GAB2: variants seen among roughly 807,000 people sequenced by gnomAD.
The protein encoded by GAB2 is GRB2 associated binding protein 2.
Under a neutral mutation model 65.5 loss-of-function variants are expected in GAB2, and 26 were observed. The ratio of observed to expected loss-of-function variants is 0.40; its 90% CI spans 0.29 to 0.55. The LOEUF (loss-of-function observed/expected upper bound fraction) is 0.55. Among genes scored for constraint, GAB2 ranks in the 20% least tolerant of loss-of-function variants. GAB2 has a pLI of 0.53. For synonymous variants in GAB2, 321 were observed against 329.6 expected (o/e 0.97, Z 0.28); for missense variants, 884 against 875.8 (o/e 1.01, Z -0.12).
At chr11:78,340,581 G>T (rs980965153) in intron 1 of GAB2, among the ~76,000 whole-genome samples, 25 of 150,534 alleles carry the variant, frequency 1.7e-4, no homozygotes, top group Non-Finnish European at 5.9e-5. Flanking sequence ...TGTCTCATCT[G>T]GGAACCCTGG....
chr11:78,363,469 A>G (rs1226873651), intron 1 of GAB2, among the ~76,000 whole-genome samples: 1 of 152,244 alleles, frequency 6.6e-6, no homozygotes, highest in Non-Finnish European at 1.5e-5. Flanking sequence ...TCCAACATCT[A>G]TGAAGCACCT....
chr11:78,358,227 T>C (rs1408578924), intron 1 of GAB2, among the ~76,000 whole-genome samples: 4 of 135,266 alleles, frequency 3.0e-5, no homozygotes, highest in Middle Eastern at 3.8e-3. Context: ...TTCTCACTCA[T>C]AGGTGGGAAT....
At chr11:78,237,881 C>T (rs1476412229) in intron 3 of GAB2, among the ~76,000 whole-genome samples, 1 of 152,102 alleles carries the variant, frequency 6.6e-6, no homozygotes, top group Non-Finnish European at 1.5e-5. Context: ...TTTGCAGGGA[C>T]ATGGATGGAG....
At chr11:78,304,877 C>G (rs780344203) in intron 1 of GAB2, among the ~76,000 whole-genome samples, 2 of 152,210 alleles carry the variant, frequency 1.3e-5, no homozygotes, top group Non-Finnish European at 2.9e-5. Context: ...ATGCCTATTT[C>G]TCAGCCTCAA....
intron 1 of GAB2, among the ~76,000 whole-genome samples, chr11:78,316,854 TAGTC>T (rs1855618009): frequency 6.6e-6 from 1 of 152,216 alleles, no homozygotes; most frequent in Non-Finnish European, 1.5e-5. Flanking sequence ...ATTGCAGCAT[TAGTC>T]AGAAGAGCCA....
At chr11:78,306,334 A>C (rs1417392702) in intron 1 of GAB2, among the ~76,000 whole-genome samples, 1 of 151,998 alleles carries the variant, frequency 6.6e-6, no homozygotes, top group Non-Finnish European at 1.5e-5. Flanking sequence ...AGGTTCAAGC[A>C]ATTCTCCTGC....
At chr11:78,257,716 C>A (rs1249517934) in intron 2 of GAB2, among the ~76,000 whole-genome samples, 1 of 152,110 alleles carries the variant, frequency 6.6e-6, no homozygotes, top group Non-Finnish European at 1.5e-5. Flanking sequence ...TTAATGAGAA[C>A]CAAAAGGACA....
chr11:78,352,300 G>T (rs201895893), intron 1 of GAB2, among the ~76,000 whole-genome samples: 2 of 152,302 alleles, frequency 1.3e-5, no homozygotes, highest in East Asian at 1.9e-4. Context: ...ACTTGATGCC[G>T]ACTCCCAGAA....
intron 1 of GAB2, among the ~76,000 whole-genome samples, chr11:78,412,685 C>A (rs1478067128): frequency 1.3e-5 from 2 of 152,124 alleles, no homozygotes; most frequent in Non-Finnish European, 2.9e-5. Context: ...TTTACTATTT[C>A]TTACAACTAG....
intron 1 of GAB2, among the ~76,000 whole-genome samples, chr11:78,321,421 C>T (rs1473244801): frequency 6.6e-6 from 1 of 152,168 alleles, no homozygotes; most frequent in Admixed American, 6.5e-5. Flanking sequence ...TGAATTACCT[C>T]TTTACTATAG....
chr11:78,375,231 A>AACT (rs1381884189), intron 1 of GAB2, among the ~76,000 whole-genome samples: 1 of 152,098 alleles, frequency 6.6e-6, no homozygotes, highest in Non-Finnish European at 1.5e-5. Context: ...ATTTGAATTA[A>AACT]ACTACTACTA....
intron 1 of GAB2, among the ~76,000 whole-genome samples, chr11:78,375,922 T>C (rs957414598): frequency 2.0e-5 from 3 of 152,198 alleles, no homozygotes; most frequent in Non-Finnish European, 4.4e-5. Flanking sequence ...CTACTCCTTA[T>C]ACCACCCTTC....
At chr11:78,411,644 C>T (rs1857130270) in intron 1 of GAB2, among the ~76,000 whole-genome samples, 1 of 152,052 alleles carries the variant, frequency 6.6e-6, no homozygotes, top group Non-Finnish European at 1.5e-5. Flanking sequence ...AACAAAAGAA[C>T]CTCAATCTAA....
intron 1 of GAB2, among the ~76,000 whole-genome samples, chr11:78,400,027 T>C (rs1856949393): frequency 6.6e-6 from 1 of 152,220 alleles, no homozygotes; most frequent in Admixed American, 6.5e-5. Flanking sequence ...AGGGAAAGAC[T>C]CACTGAGTTA....
At chr11:78,321,884 AC>A (rs1855730991) in intron 1 of GAB2, among the ~76,000 whole-genome samples, 1 of 150,398 alleles carries the variant, frequency 6.6e-6, no homozygotes, top group African/African-American at 2.4e-5. Context: ...AAAAAAAAAA[AC>A]AATGGGGATA....
At chr11:78,300,505 G>A (rs1410371515) in intron 1 of GAB2, among the ~76,000 whole-genome samples, 3 of 85,078 alleles carry the variant, frequency 3.5e-5, no homozygotes, top group African/African-American at 5.1e-5. Context: ...GTAAGTCTAC[G>A]TTTAATTTTA....
chr11:78,289,622 A>G (rs1283875896), intron 1 of GAB2, among the ~76,000 whole-genome samples: 1 of 152,062 alleles, frequency 6.6e-6, no homozygotes, highest in Non-Finnish European at 1.5e-5. Flanking sequence ...AAACTAGAAG[A>G]TTTTTTTGTA....
At position 78,218,504 on chromosome 11, in the gene GAB2, A is replaced by T. The variant is rs1864257770; in HGVS notation, c.*768T>A. 6.5e-6 allele frequency: 1 copy of T among 152,672 alleles called. No homozygotes were observed. Among genetic ancestry groups the T allele is most frequent in the Non-Finnish European group, 1.5e-5 (1 of 68,482 alleles). 9.5% of individuals were successfully genotyped at this position (152,672 alleles called of 1,614,324 possible). On this transcript the variant is annotated 3_prime_UTR_variant, in exon 10 of 10. Transcript: ENST00000361507. ...ACCCAGACCCCACAGTGTCCTTGTCATCTCCACCACCCGAGCTCCAAGCCC... is the reference window on the plus strand; with the variant it reads ...ACCCAGACCCCACAGTGTCCTTGTCTTCTCCACCACCCGAGCTCCAAGCCC...
chr11:78,252,174 C>G (rs970038621), intron 2 of GAB2, among the ~76,000 whole-genome samples: 3 of 152,210 alleles, frequency 2.0e-5, no homozygotes, highest in Non-Finnish European at 4.4e-5. Context: ...ATCACCAGCT[C>G]ATTAATGCTC....
Sources: gnomAD v4.1 joint callset for allele counts (sites outside exome capture counted in the v4.1 genomes callset) on GRCh38, gnomAD v4.1.1 for gene constraint, MANE v1.5 for transcripts, NCBI Gene and HGNC (gene_info 2026-07-23, HGNC 2026-07-21) for gene names.